Variants in GRIP1 observed in about 807,000 individuals in gnomAD.
The protein encoded by GRIP1 is glutamate receptor interacting protein 1.
A neutral mutation model predicts 129.9 loss-of-function variants in GRIP1; 45 were observed. That is an observed-to-expected ratio of 0.35 (90% CI 0.27 to 0.44). The LOEUF (loss-of-function observed/expected upper bound fraction) is 0.44, where lower values mean the gene tolerates loss of function less well. Among genes scored for constraint, GRIP1 ranks in the 20% least tolerant of loss-of-function variants. The pLI is 1.00. For missense variants in GRIP1, 1,196 were observed against 1,396.8 expected (o/e 0.86, Z 2.29); for synonymous variants, 530 against 520.8 (o/e 1.02, Z -0.24).
At chr12:67,017,648 G>A (rs1029788921) in intron 1 of GRIP1, among the ~76,000 whole-genome samples, 2 of 152,138 alleles carry the variant, frequency 1.3e-5, no homozygotes, top group African/African-American at 4.8e-5. Flanking sequence ...CCAAGAGAAT[G>A]CACTGGAAGT....
At chr12:66,367,724 C>T (rs947108727) in intron 23 of GRIP1, among the ~76,000 whole-genome samples, 3 of 152,266 alleles carry the variant, frequency 2.0e-5, no homozygotes, top group South Asian at 4.1e-4. Context: ...GGGGTATACA[C>T]GTGTAGTGAA....
chr12:66,723,300 C>CTTT (rs2036143735), intron 1 of GRIP1, among the ~76,000 whole-genome samples: 1 of 42,568 alleles, frequency 2.3e-5, no homozygotes, highest in Non-Finnish European at 4.1e-5. Flanking sequence ...TTCTTTCTTT[C>CTTT]TTTCTTTTTT....
At chr12:67,003,894 A>G (rs2042588555) in intron 1 of GRIP1, among the ~76,000 whole-genome samples, 2 of 152,182 alleles carry the variant, frequency 1.3e-5, no homozygotes, top group African/African-American at 4.8e-5. Flanking sequence ...ACAGTTTTGG[A>G]GACTAGAAGC....
At chr12:67,006,772 T>C (rs1255157690) in intron 1 of GRIP1, among the ~76,000 whole-genome samples, 1 of 152,102 alleles carries the variant, frequency 6.6e-6, no homozygotes, top group Non-Finnish European at 1.5e-5. Flanking sequence ...AGGGCTTTTG[T>C]TTGATCATGG....
intron 1 of GRIP1, among the ~76,000 whole-genome samples, chr12:66,840,968 T>C (rs2039704967): frequency 6.6e-6 from 1 of 152,236 alleles, no homozygotes; most frequent in Non-Finnish European, 1.5e-5. Flanking sequence ...AGACACTCAT[T>C]TAAATGTGAA....
chr12:66,961,038 T>G (rs1442438619), intron 1 of GRIP1, among the ~76,000 whole-genome samples: 1 of 152,148 alleles, frequency 6.6e-6, no homozygotes, highest in Non-Finnish European at 1.5e-5. Flanking sequence ...CATCTGTGTG[T>G]CCATAAGATA....
intron 22 of GRIP1, among the ~76,000 whole-genome samples, chr12:66,375,411 T>C (rs1441020938): frequency 6.6e-6 from 1 of 152,258 alleles, no homozygotes; most frequent in Non-Finnish European, 1.5e-5. Flanking sequence ...TATAGTGTGC[T>C]TTAACTTTTA....
At chr12:66,530,338 G>C (rs1040761863) in intron 4 of GRIP1, among the ~76,000 whole-genome samples, 11 of 152,136 alleles carry the variant, frequency 7.2e-5, no homozygotes, top group African/African-American at 2.4e-4. Flanking sequence ...GCTGGCACAG[G>C]AAGAAAAATT....
chr12:66,733,129 A>C (rs1449412828), intron 1 of GRIP1, among the ~76,000 whole-genome samples: 2 of 152,138 alleles, frequency 1.3e-5, no homozygotes, highest in African/African-American at 4.8e-5. Context: ...GCATCCTTGT[A>C]GCCACCATGC....
intron 16 of GRIP1, among the ~76,000 whole-genome samples, chr12:66,400,400 GGGA>G (rs1476199751): frequency 2.0e-5 from 3 of 152,100 alleles, no homozygotes; most frequent in African/African-American, 7.2e-5. Context: ...GATCATTCTT[GGGA>G]GCTTGGAATG....
intron 1 of GRIP1, among the ~76,000 whole-genome samples, chr12:66,898,722 C>T (rs906145556): frequency 2.6e-5 from 4 of 152,104 alleles, no homozygotes; most frequent in Admixed American, 6.6e-5. Flanking sequence ...AATCCCTTAT[C>T]GTTACAGATT....
chr12:66,713,336 A>T (rs1251671808), intron 1 of GRIP1, among the ~76,000 whole-genome samples: 1 of 151,978 alleles, frequency 6.6e-6, no homozygotes, highest in Non-Finnish European at 1.5e-5. Context: ...ATTATGTGCC[A>T]GGTAGTGTGT....
intron 5 of GRIP1, 81 bp downstream of exon 5, chr12:66,529,750 C>T: frequency 1.2e-6 from 1 of 840,506 alleles, no homozygotes; most frequent in South Asian, 1.3e-5. Flanking sequence ...ATTCATGTAA[C>T]CAAATACCCA....
chr12:66,709,516 AT>A (rs1024416523), intron 1 of GRIP1, among the ~76,000 whole-genome samples: 2 of 151,876 alleles, frequency 1.3e-5, no homozygotes, highest in African/African-American at 4.8e-5. Flanking sequence ...TAGTGTGAAT[AT>A]TTTTTCTGTT....
intron 1 of GRIP1, among the ~76,000 whole-genome samples, chr12:66,764,797 T>C (rs1266400636): frequency 2.6e-5 from 4 of 152,190 alleles, no homozygotes; most frequent in Admixed American, 2.0e-4. Context: ...CTCTTGTCTG[T>C]TTTGCAAAGC....
intron 19 of GRIP1, among the ~76,000 whole-genome samples, chr12:66,383,299 A>AAAC (rs59263648): frequency 0.45 from 64,174 of 141,102 alleles, 15,687 homozygotes; most frequent in South Asian, 0.56. Context: ...TCTGTCTCAA[A>AAAC]AACAACAACA....
chr12:66,984,826 C>G (rs2042287865), intron 1 of GRIP1, among the ~76,000 whole-genome samples: 1 of 152,162 alleles, frequency 6.6e-6, no homozygotes, highest in African/African-American at 2.4e-5. Context: ...GATATGCTAG[C>G]CATGCATTCT....
rs74492818 is a variant in GRIP1, at chr12:66,614,601, T to C, written c.56-17674A>G. 1.1e-3 allele frequency among the ~76,000 whole-genome samples: 161 copies of C among 152,240 alleles called. 1 individual carries two copies. Among genetic ancestry groups the C allele is most frequent in the African/African-American group, 3.6e-3 (148 of 41,570 alleles). ...ACCCCTGAAACTTATCTATCTACTATGCATGCATGACTGCTGAAGTTACCT... is the reference window on the plus strand; with the variant it reads ...ACCCCTGAAACTTATCTATCTACTACGCATGCATGACTGCTGAAGTTACCT... On this transcript the variant is annotated intron_variant, in intron 1 of 24. Coordinates refer to ENST00000359742, the MANE Select transcript of GRIP1 (RefSeq NM_001366722.1).
At chr12:66,528,750 T>C (rs1409981652) in intron 5 of GRIP1, among the ~76,000 whole-genome samples, 6 of 152,214 alleles carry the variant, frequency 3.9e-5, no homozygotes, top group Admixed American at 2.6e-4. Context: ...TTTATAAACA[T>C]TGGCTTTTTG....
Sources: allele counts gnomAD v4.1 joint callset (sites outside exome capture counted in the v4.1 genomes callset), GRCh38; gene constraint gnomAD v4.1.1; transcripts MANE v1.5; gene names NCBI Gene and HGNC (gene_info 2026-07-23, HGNC 2026-07-21).